PCDHGA4: variants seen among roughly 807,000 people sequenced by gnomAD.
PCDHGA4 encodes the protein protocadherin gamma subfamily A, 4, also known as protocadherin gamma-A4.
In PCDHGA4, 38 loss-of-function variants were observed where a neutral mutation model predicts 54.6. The observed-to-expected ratio is 0.70, with a 90% confidence interval of 0.54 to 0.91. PCDHGA4 has a LOEUF of 0.91. Ranked by LOEUF, PCDHGA4 falls within the 40% of genes least tolerant of loss-of-function variation. The pLI, the probability that PCDHGA4 is intolerant of heterozygous loss-of-function variation, is 0.00. For synonymous variants in PCDHGA4, 511 were observed against 512.9 expected, an observed-to-expected ratio of 1.00 and a Z score of 0.05; for missense variants, 1,298 against 1,220.9, an observed-to-expected ratio of 1.06 and a Z score of -0.94.
intron 1 of PCDHGA4, among the ~76,000 whole-genome samples, chr5:141,455,650 C>T (rs1176718096): frequency 2.6e-5 from 4 of 151,994 alleles, no homozygotes; most frequent in African/African-American, 9.7e-5. Flanking sequence ...AGCCATGTGG[C>T]CAGGAACTTG....
intron 1 of PCDHGA4, chr5:141,371,620 C>T (rs748176272): frequency 1.9e-6 from 3 of 1,613,992 alleles, no homozygotes; most frequent in East Asian, 2.2e-5. Context: ...ACAGATGGAG[C>T]CCTGGACCGG....
At position 141,357,279 on chromosome 5, in the gene PCDHGA4, C is replaced by A; in HGVS notation, c.2172C>A (p.Leu724=). The A allele has an allele frequency of 1.2e-6, 2 of 1,613,878 alleles. 1 individual carries two copies. The highest frequency in any genetic ancestry group is 4.5e-5 in the East Asian group (2 of 44,878). Residue 724 remains leucine, a synonymous_variant, in exon 1 of 4, where the codon CTC becomes CTA. Transcript: ENST00000571252. ...ACGACTCGGGCCTCACACTCTATCT[C>A]GTGGTGGCAGTGGCCGCTGTCTCCT... ...DPDDSGLTLY[L]VVAVAAVSCV...
chr5:141,398,890 G>A (rs763743728), intron 1 of PCDHGA4: 1 of 1,613,920 alleles, frequency 6.2e-7, no homozygotes, highest in East Asian at 2.2e-5. Context: ...TCGGGAAAAC[G>A]TGCCACCAGG....
intron 1 of PCDHGA4, among the ~76,000 whole-genome samples, chr5:141,474,136 G>A (rs1383142266): frequency 1.3e-5 from 2 of 152,056 alleles, no homozygotes; most frequent in East Asian, 3.8e-4. Context: ...AAAACTACAG[G>A]CCTTATTATC....
chr5:141,425,530 A>G (rs1485711838), intron 1 of PCDHGA4, among the ~76,000 whole-genome samples: 1 of 152,246 alleles, frequency 6.6e-6, no homozygotes, highest in Non-Finnish European at 1.5e-5. Flanking sequence ...ACATGAAACA[A>G]TAATCCTTTT....
intron 1 of PCDHGA4, among the ~76,000 whole-genome samples, chr5:141,449,134 T>C (rs538592980): frequency 9.2e-4 from 140 of 152,242 alleles, no homozygotes; most frequent in Non-Finnish European, 1.8e-3. Context: ...AGAAATGGAA[T>C]TGAAATTGCT....
chr5:141,446,279 G>A (rs1326701686), intron 1 of PCDHGA4, among the ~76,000 whole-genome samples: 1 of 152,096 alleles, frequency 6.6e-6, no homozygotes, highest in African/African-American at 2.4e-5. Context: ...AAATACAATG[G>A]ATAAATGGGG....
At chr5:141,407,649 G>A (rs541467957) in intron 1 of PCDHGA4, among the ~76,000 whole-genome samples, 1 of 152,050 alleles carries the variant, frequency 6.6e-6, no homozygotes, top group East Asian at 1.9e-4. Flanking sequence ...AAAATAATGG[G>A]GGAGCGCAGT....
At chr5:141,409,471 AG>A in intron 1 of PCDHGA4, 1 of 1,613,978 alleles carries the variant, frequency 6.2e-7, no homozygotes, top group Non-Finnish European at 8.5e-7. Flanking sequence ...TCACCATCGT[AG>A]CCACTGACAG....
intron 1 of PCDHGA4, chr5:141,375,741 T>C (rs1374220780): frequency 1.9e-6 from 3 of 1,614,246 alleles, no homozygotes; most frequent in South Asian, 2.2e-5. Flanking sequence ...CTGTTTGTGC[T>C]GGACCAGAAT....
chr5:141,392,746 G>A (rs970809453), intron 1 of PCDHGA4: 4 of 1,443,856 alleles, frequency 2.8e-6, no homozygotes, highest in Non-Finnish European at 3.6e-6. Flanking sequence ...CATAGCTGCG[G>A]CAAGAAACTA....
chr5:141,421,384 C>T (rs960627405), intron 1 of PCDHGA4: 5 of 1,613,928 alleles, frequency 3.1e-6, no homozygotes, highest in Non-Finnish European at 4.2e-6. Context: ...CTCCAAGGAC[C>T]TGGGGCTGGA....
chr5:141,502,864 G>GGCTTTTTT (rs2099816401), intron 2 of PCDHGA4, among the ~76,000 whole-genome samples: 1 of 61,572 alleles, frequency 1.6e-5, no homozygotes, highest in Non-Finnish European at 3.0e-5. Flanking sequence ...CTGACTCTCT[G>GGCTTTTTT]TCTTTTTTTT....
In PCDHGA4 at chr5:141,361,092, C is replaced by G. The variant is rs377144808; in HGVS notation, c.2514+3471C>G. The G allele has an allele frequency of 5.0e-5, 81 of 1,613,938 alleles. 2 individuals carry two copies. In the African/African-American group the frequency reaches 7.2e-4, roughly 14 times the overall value. On this transcript the variant is annotated intron_variant, in intron 1 of 3. Transcript: ENST00000571252. Reference sequence around the variant, plus strand: ...TTGCAAGTAGTTACACTCTGAGTATCGAAGCAAAAGATCCTGGAGATCTAG... The same window carrying G: ...TTGCAAGTAGTTACACTCTGAGTATGGAAGCAAAAGATCCTGGAGATCTAG...
At chr5:141,470,428 T>A (rs974038419) in intron 1 of PCDHGA4, among the ~76,000 whole-genome samples, 1 of 152,254 alleles carries the variant, frequency 6.6e-6, no homozygotes, top group Non-Finnish European at 1.5e-5. Flanking sequence ...TTTTTCCTTG[T>A]GTGCAATAAT....
At chr5:141,388,497 C>T (rs2091382933) in intron 1 of PCDHGA4, 34 of 1,613,702 alleles carry the variant, frequency 2.1e-5, no homozygotes, top group Middle Eastern at 1.6e-4. Flanking sequence ...CAGAGAAAAG[C>T]AGAAATCCTA....
At chr5:141,419,558 C>T (rs560723941) in intron 1 of PCDHGA4, 1 of 1,611,970 alleles carries the variant, frequency 6.2e-7, no homozygotes, top group African/African-American at 1.3e-5. Context: ...GTACCCTGCG[C>T]TGGGTCCCGA....
chr5:141,399,991 G>A (rs1226741326), intron 1 of PCDHGA4: 1 of 1,612,422 alleles, frequency 6.2e-7, no homozygotes. Context: ...CACAGGAGAG[G>A]TGCGCACAGC....
At chr5:141,389,359 G>C (rs768908018) in intron 1 of PCDHGA4, 99 of 1,613,770 alleles carry the variant, frequency 6.1e-5, no homozygotes, top group Non-Finnish European at 8.2e-5. Context: ...ATCATGGCCA[G>C]TGACCTGGAG....
Sources: allele counts gnomAD v4.1 joint callset (sites outside exome capture counted in the v4.1 genomes callset), GRCh38; gene constraint gnomAD v4.1.1; transcripts MANE v1.5; gene names NCBI Gene and HGNC (gene_info 2026-07-23, HGNC 2026-07-21).